GAREM2: variants seen among roughly 807,000 people sequenced by gnomAD.
The protein encoded by GAREM2 is GRB2 associated regulator of MAPK1 subtype 2.
In GAREM2, 30 loss-of-function variants were observed where a neutral mutation model predicts 55.6. That is an observed-to-expected ratio of 0.54 (90% CI 0.40 to 0.73). The LOEUF (loss-of-function observed/expected upper bound fraction) is 0.73, where lower values mean the gene tolerates loss of function less well. Ranked by LOEUF, GAREM2 falls within the 30% of genes least tolerant of loss-of-function variation. The pLI, the probability that GAREM2 is intolerant of heterozygous loss-of-function variation, is 0.00. For missense variants in GAREM2, 1,075 were observed against 1,257.7 expected (o/e 0.85, Z 2.20); for synonymous variants, 550 against 569.1 (o/e 0.97, Z 0.48).
chr2:26,195,371 G>C, the GAREM2 span: 22 of 789,792 alleles, frequency 2.8e-5, no homozygotes, highest in South Asian at 3.0e-4. Flanking sequence ...GAGTGGTTTG[G>C]TTCCATGGGT....
the GAREM2 span, among the ~76,000 whole-genome samples, chr2:26,200,011 G>A: frequency 6.6e-6 from 1 of 152,208 alleles, no homozygotes; most frequent in South Asian, 2.1e-4. Flanking sequence ...CACAGCAGTA[G>A]AACACGGAGA....
At chr2:26,191,497 G>A (rs767616996), downstream of GAREM2, 30 of 1,614,188 alleles carry the variant, frequency 1.9e-5, no homozygotes, top group South Asian at 4.4e-5. Context: ...CAGACAAGGC[G>A]GGAAGCCAAG....
intron 2 of GAREM2, among the ~76,000 whole-genome samples, chr2:26,177,010 T>A (rs886682662): frequency 1.3e-5 from 2 of 152,248 alleles, no homozygotes; most frequent in African/African-American, 4.8e-5. Context: ...AATTTTAGAC[T>A]TCTAAAGATT....
At chr2:26,176,287 C>G in intron 1 of GAREM2, 57 bp from the exon 2 acceptor site, 1 of 1,442,544 alleles carries the variant, frequency 6.9e-7, no homozygotes, top group Non-Finnish European at 9.2e-7. Context: ...TTCTTTCTGC[C>G]CCTTCTAATG....
intron 2 of GAREM2, chr2:26,181,219 C>A: frequency 2.4e-6 from 2 of 825,760 alleles, no homozygotes; most frequent in Non-Finnish European, 2.9e-6. Flanking sequence ...GCATTCAGAG[C>A]CTTTCAAATC....
At chr2:26,175,066 G>A (rs57674158) in intron 1 of GAREM2, among the ~76,000 whole-genome samples, 254 of 151,212 alleles carry the variant, frequency 1.7e-3, no homozygotes, top group African/African-American at 5.9e-3. Context: ...TGAACCGCCC[G>A]CCACCCTGCC....
At position 26,187,650 on chromosome 2, in the gene GAREM2, A is replaced by G; in HGVS notation, c.2018A>G (p.Gln673Arg). The G allele has an allele frequency of 6.5e-7, 1 of 1,540,280 alleles. No homozygotes were observed. The highest frequency in any genetic ancestry group is 1.2e-5 in the South Asian group (1 of 82,518). The change falls in exon 6 of 6, where the codon CAG (glutamine) becomes CGG (arginine). Residue 673 changes from glutamine (Q) to arginine (R), a missense_variant. Transcript: ENST00000401533. ...TCCCCAGGCCCAGCCTCGCCAGGCCAGGCCTATTCAGCTGCTCCCCCCTCC... is the reference window on the plus strand; with the variant it reads ...TCCCCAGGCCCAGCCTCGCCAGGCCGGGCCTATTCAGCTGCTCCCCCCTCC... ...AYSPGPASPG[Q>R]AYSAAPPSSC...
chr2:26,196,949 G>A, the GAREM2 span, among the ~76,000 whole-genome samples: 1 of 152,198 alleles, frequency 6.6e-6, no homozygotes, highest in African/African-American at 2.4e-5. Flanking sequence ...AATCTGCTGT[G>A]TGCTAGGAAA....
Position 26,174,041 on chromosome 2 carries a change from A to AG in GAREM2, c.112+715dup, listed in dbSNP as rs1480745117. Among the ~76,000 whole-genome samples the AG allele has an allele frequency of 3.4e-4, 16 of 47,076 alleles. 1 individual carries two copies. Among genetic ancestry groups the AG allele is most frequent in the South Asian group, 1.2e-3 (2 of 1,630 alleles). The allele number at this position is 47,076 out of a possible 152,430, so 30.9% of individuals were successfully genotyped here. A position where few individuals can be genotyped will look rare whatever the true frequency, so the allele number is the denominator to read the frequency against. On this transcript the variant is annotated intron_variant, in intron 1 of 5. Transcript: ENST00000401533. ...TGGAGCGAGGGGACCGTTTGGGGGGAGGGGGGTGCTGCTTGGTTGGGGGAT... is the reference window on the plus strand; with the variant it reads ...TGGAGCGAGGGGACCGTTTGGGGGGAGGGGGGGTGCTGCTTGGTTGGGGGAT...
chr2:26,187,349 C>T lies in GAREM2; in HGVS notation c.1717C>T (p.Pro573Ser), dbSNP rs1171980164. 1 of 1,545,532 alleles carries T rather than the reference C, an allele frequency of 6.5e-7. No homozygotes were observed. Residue 573 changes from proline to serine, a missense_variant, in exon 6 of 6, where the codon CCC becomes TCC. Transcript: ENST00000401533. ...GESSSRPAPG[P>S]LPSTTQPSQA... ...GTCCTCTAGCCGCCCAGCCCCCGGT[C>T]CCCTACCCTCAACCACACAGCCCAG...
rs867110188 is a variant in GAREM2 at position 26,188,039 on chromosome 2, C to T, written c.2407C>T (p.Pro803Ser). 6.6e-7 allele frequency: 1 copy of T among 1,508,510 alleles called. No homozygotes were observed. The highest frequency in any genetic ancestry group is 1.4e-5 in the African/African-American group (1 of 71,952). The allele number at this position is 1,508,510 out of a possible 1,614,324, so 93.4% of individuals were successfully genotyped here. A position where few individuals can be genotyped will look rare whatever the true frequency, so the allele number is the denominator to read the frequency against. ...CCGAGATGCCTCCTCCTGGCAGCCCCCTGCTGACCTGTCTGCACTCTCCCT... is the reference window on the plus strand; with the variant it reads ...CCGAGATGCCTCCTCCTGGCAGCCCTCTGCTGACCTGTCTGCACTCTCCCT... ...GVRDASSWQP[P>S]ADLSALSLEE... Residue 803 changes from proline (P) to serine (S), a missense_variant, in exon 6 of 6, where the codon CCT becomes TCT. Around this residue, in one of 6 missense-constraint regions of GAREM2, gnomAD observed 142 missense variants for 172.3 expected, o/e 0.82. Transcript: ENST00000401533.
At chr2:26,193,293 C>CTTTTTTT (rs370942158), downstream of GAREM2, among the ~76,000 whole-genome samples, 1 of 115,164 alleles carries the variant, frequency 8.7e-6, no homozygotes, top group Non-Finnish European at 1.7e-5. Flanking sequence ...CACATGACAT[C>CTTTTTTT]TTTTTTTTTT....
At chr2:26,175,185 TA>T (rs2147718725) in intron 1 of GAREM2, among the ~76,000 whole-genome samples, 1 of 152,290 alleles carries the variant, frequency 6.6e-6, no homozygotes. Flanking sequence ...AGAAATTTTG[TA>T]AGTTGTGCCT....
At position 26,188,226 on chromosome 2, in the gene GAREM2, A is replaced by G; in HGVS notation, c.2594A>G (p.Gln865Arg). ...AAGCTGCAGGTCAAGAAGATCATGC[A>G]GTTCATCAAAGGCTGGAGGCCCAAG... is the stretch of plus-strand genomic sequence containing the variant. ...LTKLQVKKIMQFIKGWRPKI is the reference protein window; with the variant it reads ...LTKLQVKKIMRFIKGWRPKI Residue 865 changes from glutamine (Q) to arginine (R), a missense_variant, in exon 6 of 6, where the codon CAG (glutamine) becomes CGG (arginine). Around this residue, in one of 6 missense-constraint regions of GAREM2, gnomAD observed 142 missense variants for 172.3 expected, o/e 0.82. Transcript: ENST00000401533. 8.0e-6 allele frequency: 12 copies of G among 1,500,150 alleles called. No individual in the cohort carries two copies. The highest frequency in any genetic ancestry group is 1.1e-5 in the Non-Finnish European group (12 of 1,115,696). 92.9% of individuals were successfully genotyped at this position (1,500,150 alleles called of 1,614,324 possible). A position where few individuals can be genotyped will look rare whatever the true frequency, so the allele number is the denominator to read the frequency against.
At chr2:26,178,525 C>T (rs921734530) in intron 2 of GAREM2, among the ~76,000 whole-genome samples, 1 of 151,914 alleles carries the variant, frequency 6.6e-6, no homozygotes, top group Non-Finnish European at 1.5e-5. Context: ...GGAGGTTGAG[C>T]CTACAGTGAG....
chr2:26,187,933 G>C lies in GAREM2; in HGVS notation c.2301G>C (p.Ala767=). 2 of 1,451,110 alleles carry C rather than the reference G, an allele frequency of 1.4e-6. No homozygotes were observed. The highest frequency in any genetic ancestry group is 1.8e-6 in the Non-Finnish European group (2 of 1,097,562). The allele number at this position is 1,451,110 out of a possible 1,614,324, so 89.9% of individuals were successfully genotyped here. A position where few individuals can be genotyped will look rare whatever the true frequency, so the allele number is the denominator to read the frequency against. The change falls in exon 6 of 6, where the codon GCG becomes GCC. Residue 767 remains alanine, a synonymous_variant. Coordinates refer to ENST00000401533, the MANE Select transcript of GAREM2 (RefSeq NM_001168241.2). ...CAGCTGCTCTGCAGGGACCCGAGGCGGGAGGAGCACTTTTTCTAACCCAAG... is the reference window on the plus strand; with the variant it reads ...CAGCTGCTCTGCAGGGACCCGAGGCCGGAGGAGCACTTTTTCTAACCCAAG... ...LSPAALQGPE[A]GGALFLTQGR...
In GAREM2 at chr2:26,187,696, C is replaced by T; in HGVS notation, c.2064C>T (p.Ser688=). ...APPSSCAPSS[S]SSSEWQEPVL... is the part of the protein sequence containing the mutation. ...CCTCCTCCTGCGCCCCCTCCTCCTC[C>T]TCTTCTTCTGAATGGCAGGAACCAG... The change falls in exon 6 of 6, where the codon TCC becomes TCT. Residue 688 remains serine (S), a synonymous_variant. Coordinates refer to ENST00000401533, the MANE Select transcript of GAREM2 (RefSeq NM_001168241.2). 3 of 1,490,410 alleles carry T rather than the reference C, an allele frequency of 2.0e-6. No individual in the cohort carries two copies. In the South Asian group the frequency reaches 4.1e-5, roughly 20 times the overall value. 92.3% of individuals were successfully genotyped at this position (1,490,410 alleles called of 1,614,324 possible). A position where few individuals can be genotyped will look rare whatever the true frequency, so the allele number is the denominator to read the frequency against.
At position 26,173,286 on chromosome 2, in the gene GAREM2, C is replaced by G; in HGVS notation, c.66C>G (p.Leu22=). Residue 22 remains leucine, a synonymous_variant, in exon 1 of 6, where the codon CTC becomes CTG. Transcript: ENST00000401533. ...RWSMGAFPLD[L]IVSRCRLPTL... is the part of the protein sequence containing the mutation. The stretch of plus-strand genomic sequence containing the variant: ...GCATGGGCGCCTTCCCGCTCGACCT[C>G]ATCGTCAGCCGCTGCCGCCTGCCCA... 1 of 1,437,228 alleles carries G rather than the reference C, an allele frequency of 7.0e-7. No individual in the cohort carries two copies. Among genetic ancestry groups the G allele is most frequent in the Non-Finnish European group, 9.1e-7 (1 of 1,093,038 alleles). The allele number at this position is 1,437,228 out of a possible 1,614,324, so 89.0% of individuals were successfully genotyped here. A position where few individuals can be genotyped will look rare whatever the true frequency, so the allele number is the denominator to read the frequency against.
At chr2:26,186,968 A>C (rs971734690) in intron 5 of GAREM2, among the ~76,000 whole-genome samples, 1 of 152,206 alleles carries the variant, frequency 6.6e-6, no homozygotes, top group Non-Finnish European at 1.5e-5. Context: ...GAGCGAGAAC[A>C]CCATCTCAAA....
Sources: allele counts gnomAD v4.1 joint callset (sites outside exome capture counted in the v4.1 genomes callset), GRCh38; gene constraint gnomAD v4.1.1; regional missense constraint gnomAD v4.1.1; transcripts MANE v1.5; gene names NCBI Gene and HGNC (gene_info 2026-07-23, HGNC 2026-07-21).